The following KCND2 variants were observed in gnomAD, a reference collection of about 807,000 sequenced individuals.
KCND2 encodes the protein potassium voltage-gated channel subfamily D member 2, also known as A-type voltage-gated potassium channel KCND2.
Under a neutral mutation model 54.4 loss-of-function variants are expected in KCND2, and 16 were observed. That is an observed-to-expected ratio of 0.29 (90% CI 0.20 to 0.45). The LOEUF (loss-of-function observed/expected upper bound fraction) is 0.45. Ranked by LOEUF, KCND2 falls within the 20% of genes least tolerant of loss-of-function variation. The pLI, the probability that KCND2 is intolerant of heterozygous loss-of-function variation, is 1.00. For synonymous variants in KCND2, 317 were observed against 310.7 expected, an observed-to-expected ratio of 1.02 and a Z score of -0.21; for missense variants, 486 against 824.2, an observed-to-expected ratio of 0.59 and a Z score of 5.02.
intron 1 of KCND2, among the ~76,000 whole-genome samples, chr7:120,305,067 G>A (rs1361970860): frequency 6.6e-6 from 1 of 152,150 alleles, no homozygotes; most frequent in Non-Finnish European, 1.5e-5. Context: ...TATTCTAGGT[G>A]AAAGATTGCT....
intron 1 of KCND2, among the ~76,000 whole-genome samples, chr7:120,714,998 T>C (rs1054942991): frequency 7.2e-5 from 11 of 152,080 alleles, no homozygotes; most frequent in African/African-American, 1.9e-4. Flanking sequence ...ATTCTAAAGA[T>C]AGTGTAGACC....
At chr7:120,542,139 C>T (rs1369480383) in intron 1 of KCND2, among the ~76,000 whole-genome samples, 1 of 152,036 alleles carries the variant, frequency 6.6e-6, no homozygotes, top group East Asian at 1.9e-4. Flanking sequence ...GGACTTTGTC[C>T]TCCAGTTTAA....
At chr7:120,484,343 T>A (rs1172229503) in intron 1 of KCND2, among the ~76,000 whole-genome samples, 1 of 152,044 alleles carries the variant, frequency 6.6e-6, no homozygotes, top group Non-Finnish European at 1.5e-5. Context: ...TTTGTAGAAA[T>A]GGGGTGCCAC....
At chr7:120,405,171 C>G (rs1313513847) in intron 1 of KCND2, among the ~76,000 whole-genome samples, 7 of 151,940 alleles carry the variant, frequency 4.6e-5, no homozygotes, top group Non-Finnish European at 1.0e-4. Flanking sequence ...ATGTCCAGTA[C>G]AGGTTTAGTC....
intron 1 of KCND2, among the ~76,000 whole-genome samples, chr7:120,693,628 AT>A (rs1302694816): frequency 3.9e-5 from 6 of 152,186 alleles, no homozygotes; most frequent in African/African-American, 1.4e-4. Context: ...CCAATGTGTG[AT>A]TATTGCAGAT....
chr7:120,692,343 G>C (rs1792280074), intron 1 of KCND2, among the ~76,000 whole-genome samples: 1 of 152,178 alleles, frequency 6.6e-6, no homozygotes, highest in Non-Finnish European at 1.5e-5. Context: ...TGACTGTGGT[G>C]CTTGGGGACC....
chr7:120,698,725 A>G (rs1298940311), intron 1 of KCND2, among the ~76,000 whole-genome samples: 3 of 152,220 alleles, frequency 2.0e-5, no homozygotes, highest in Non-Finnish European at 2.9e-5. Context: ...CAAAAGGTAG[A>G]CCAGCTTTCC....
intron 1 of KCND2, among the ~76,000 whole-genome samples, chr7:120,646,133 A>G (rs1793439513): frequency 6.6e-6 from 1 of 152,246 alleles, no homozygotes; most frequent in Non-Finnish European, 1.5e-5. Context: ...CTACATTATG[A>G]CAATCTGTCC....
At chr7:120,616,542 C>G (rs1301181671) in intron 1 of KCND2, among the ~76,000 whole-genome samples, 1 of 152,092 alleles carries the variant, frequency 6.6e-6, no homozygotes, top group Non-Finnish European at 1.5e-5. Flanking sequence ...TATTAAGAAC[C>G]ACTCACGAAG....
intron 2 of KCND2, among the ~76,000 whole-genome samples, chr7:120,737,094 C>CA (rs1215749217): frequency 4.4e-4 from 45 of 102,948 alleles, no homozygotes; most frequent in African/African-American, 1.4e-3. Context: ...AAAAAAAAAA[C>CA]AAAACAAAAA....
At chr7:120,723,978 G>A (rs1312245775) in intron 1 of KCND2, among the ~76,000 whole-genome samples, 2 of 152,142 alleles carry the variant, frequency 1.3e-5, no homozygotes, top group Non-Finnish European at 2.9e-5. Flanking sequence ...GAAAAACTGA[G>A]GTGGTGACAT....
chr7:120,517,784 T>G (rs1437571091), intron 1 of KCND2, among the ~76,000 whole-genome samples: 2 of 152,136 alleles, frequency 1.3e-5, no homozygotes, highest in Non-Finnish European at 2.9e-5. Context: ...ATTTTAGGAG[T>G]GCACTTTGAT....
chr7:120,429,947 A>G (rs1801766595), intron 1 of KCND2, among the ~76,000 whole-genome samples: 1 of 152,158 alleles, frequency 6.6e-6, no homozygotes, highest in Non-Finnish European at 1.5e-5. Context: ...GTTCAAAATG[A>G]TCTATGCATG....
chr7:120,632,384 T>C (rs1250483342), intron 1 of KCND2, among the ~76,000 whole-genome samples: 2 of 152,182 alleles, frequency 1.3e-5, no homozygotes, highest in African/African-American at 4.8e-5. Flanking sequence ...AAATGAATTT[T>C]CAAAGCCAGA....
intron 1 of KCND2, among the ~76,000 whole-genome samples, chr7:120,694,246 A>G (rs1792306873): frequency 1.3e-5 from 2 of 152,078 alleles, no homozygotes. Flanking sequence ...TTATCAACAC[A>G]CTTTGGTGGG....
intron 1 of KCND2, among the ~76,000 whole-genome samples, chr7:120,677,527 A>G (rs1164205310): frequency 7.7e-6 from 1 of 130,494 alleles, no homozygotes; most frequent in East Asian, 2.0e-4. Flanking sequence ...ATATATATAT[A>G]TAGATATAGA....
chr7:120,563,973 G>A (rs568595120), intron 1 of KCND2, among the ~76,000 whole-genome samples: 1 of 152,026 alleles, frequency 6.6e-6, no homozygotes, highest in Non-Finnish European at 1.5e-5. Flanking sequence ...ATCTACATGA[G>A]GCAACTTAAA....
chr7:120,410,127 G>A (rs1801426400), intron 1 of KCND2, among the ~76,000 whole-genome samples: 1 of 151,830 alleles, frequency 6.6e-6, no homozygotes, highest in Non-Finnish European at 1.5e-5. Flanking sequence ...CTATTGTAGT[G>A]ACAGTTGTTG....
intron 1 of KCND2, among the ~76,000 whole-genome samples, chr7:120,616,549 G>A (rs1192407508): frequency 6.6e-6 from 1 of 152,060 alleles, no homozygotes; most frequent in African/African-American, 2.4e-5. Flanking sequence ...AACCACTCAC[G>A]AAGACTAGTC....
Sources: allele counts gnomAD v4.1 joint callset (sites outside exome capture counted in the v4.1 genomes callset), GRCh38; gene constraint gnomAD v4.1.1; transcripts MANE v1.5; gene names NCBI Gene and HGNC (gene_info 2026-07-23, HGNC 2026-07-21).